MGAT5B: variants seen among roughly 807,000 people sequenced by gnomAD.
The protein encoded by MGAT5B is alpha-1,6-mannosylglycoprotein 6-beta-N-acetylglucosaminyltransferase B, also known as N-acetylglucosaminyl-transferase Vb.
MGAT5B carries 54 observed loss-of-function variants against 95.1 expected under a neutral mutation model. The observed-to-expected ratio is 0.57, with a 90% CI of 0.46 to 0.71. MGAT5B has a LOEUF of 0.71. Among genes scored for constraint, MGAT5B ranks in the 30% least tolerant of loss-of-function variants. MGAT5B has a pLI of 0.00. For synonymous variants in MGAT5B, 464 were observed against 451.0 expected (o/e 1.03, Z -0.36); for missense variants, 935 against 1,088.6 (o/e 0.86, Z 1.99).
At chr17:76,946,345 C>G in intron 15 of MGAT5B, 31 bp from the exon 16 acceptor site, 1 of 1,579,882 alleles carries the variant, frequency 6.3e-7, no homozygotes, top group Non-Finnish European at 8.6e-7. Flanking sequence ...GGCCTTCTCC[C>G]GCCCCATGTG....
At chr17:76,907,910 C>T (rs1237594414) in intron 8 of MGAT5B, among the ~76,000 whole-genome samples, 1 of 152,218 alleles carries the variant, frequency 6.6e-6, no homozygotes, top group East Asian at 1.9e-4. Context: ...CTTATTATGG[C>T]TGCAACTTGC....
rs2145215860 is a variant in MGAT5B, at chr17:76,915,401, G to A, written c.1025+9214G>A. 6.6e-6 allele frequency among the ~76,000 whole-genome samples: 1 copy of A among 152,212 alleles called. No individual in the cohort carries two copies. Among genetic ancestry groups the A allele is most frequent in the Middle Eastern group, 3.4e-3 (1 of 294 alleles). On this transcript the variant is annotated intron_variant, in intron 8 of 17. Transcript: ENST00000569840. This position sits in a 1 kb window ranked among gnomAD's most constrained non-coding sequence, Gnocchi z 8.7. ...GGTTTCTATTTTATCTTCGATGCCG[G>A]AGGGGAGAGCATTTCCCACAAGCCA...
rs1238731203 is a variant in MGAT5B, at chr17:76,906,719, G to A, written c.1025+532G>A. On this transcript the variant is annotated intron_variant, in intron 8 of 17. Transcript: ENST00000569840. The surrounding 1 kb of genome is among the most constrained non-coding windows in gnomAD (Gnocchi z 4.6). ...GCAGTGATTAGAGGCTCCCCTGAGT[G>A]TTTGAGGGTAGGATGGGGGTGAGGC... is the stretch of plus-strand genomic sequence containing the variant. Among the ~76,000 whole-genome samples the A allele has an allele frequency of 6.6e-6, 1 of 152,126 alleles. No individual in the cohort carries two copies. The highest frequency in any genetic ancestry group is 1.5e-5 in the Non-Finnish European group (1 of 68,006).
chr17:76,869,549 C>T lies in MGAT5B; in HGVS notation c.68+452C>T, dbSNP rs545247617. 4.6e-5 allele frequency among the ~76,000 whole-genome samples: 7 copies of T among 152,314 alleles called. No individual in the cohort carries two copies. The South Asian group carries it at 1.0e-3, about 23-fold the overall frequency. ...CCGTCTGCCCCTAGGTCGGCTACCC[C>T]CCAACCCCTCCGCCTGTGCCACCCT... On this transcript the variant is annotated intron_variant, in intron 1 of 17. Coordinates refer to ENST00000569840, the MANE Select transcript of MGAT5B (RefSeq NM_001199172.2). The surrounding 1 kb of genome is among the most constrained non-coding windows in gnomAD (Gnocchi z 7.0).
rs1426897270 is a variant in MGAT5B at position 76,912,309 on chromosome 17, C to T, written c.1025+6122C>T. On this transcript the variant is annotated intron_variant, in intron 8 of 17. Coordinates refer to ENST00000569840, the MANE Select transcript of MGAT5B (RefSeq NM_001199172.2). This position sits in a 1 kb window ranked among gnomAD's most constrained non-coding sequence, Gnocchi z 5.0. ...GGGCAGAGTTCCCAGCGAGCAACCG[C>T]GAGCCCTTCAGGGAGAGGCAGAAGC... is the stretch of plus-strand genomic sequence containing the variant. Among the ~76,000 whole-genome samples, 2 of 152,152 alleles carry T rather than the reference C, an allele frequency of 1.3e-5. No homozygotes were observed. The highest frequency in any genetic ancestry group is 2.9e-5 in the Non-Finnish European group (2 of 68,024).
chr17:76,874,564 G>A (rs1324159461), intron 2 of MGAT5B, among the ~76,000 whole-genome samples: 1 of 152,126 alleles, frequency 6.6e-6, no homozygotes, highest in African/African-American at 2.4e-5. Context: ...TGGGTGGGCT[G>A]CTACAGAGGC....
At chr17:76,900,314 T>C (rs535450843) in intron 3 of MGAT5B, among the ~76,000 whole-genome samples, 35 of 152,362 alleles carry the variant, frequency 2.3e-4, no homozygotes, top group African/African-American at 7.9e-4. Context: ...CAGAAGGCTG[T>C]CGTGCATTCA....
In MGAT5B at chr17:76,905,939, C is replaced by G; in HGVS notation, c.856-79C>G. The G allele has an allele frequency of 6.8e-7, 1 of 1,467,928 alleles. No homozygotes were observed. 90.9% of individuals were successfully genotyped at this position (1,467,928 alleles called of 1,614,324 possible). ...GAGACAGGGTCTGCTGCCGGCTGGT[C>G]TCCTGGCCGGTGCCCCGGGGGGGCG... On this transcript the variant is annotated intron_variant, in intron 7 of 17. Transcript: ENST00000569840. The surrounding 1 kb of genome is among the most constrained non-coding windows in gnomAD (Gnocchi z 4.2).
chr17:76,923,881 GTCC>G (rs1969205176), intron 8 of MGAT5B: 1 of 152,090 alleles, frequency 6.6e-6, no homozygotes, highest in Non-Finnish European at 1.5e-5. Flanking sequence ...GCTCCCGGGC[GTCC>G]TCCTCTGGTG....
rs1393068180 is a variant in MGAT5B at position 76,869,334 on chromosome 17, T to C, written c.68+237T>C. Among the ~76,000 whole-genome samples, 1 of 151,928 alleles carries C rather than the reference T, an allele frequency of 6.6e-6. No individual in the cohort carries two copies. The highest frequency in any genetic ancestry group is 1.5e-5 in the Non-Finnish European group (1 of 67,970). ...CGAGTTGGGCAGGGTTGGAGAGGAC[T>C]CGGGGTGCAGAGGTAAGAATGGGGG... On this transcript the variant is annotated intron_variant, in intron 1 of 17. Coordinates refer to ENST00000569840, the MANE Select transcript of MGAT5B (RefSeq NM_001199172.2). This position sits in a 1 kb window ranked among gnomAD's most constrained non-coding sequence, Gnocchi z 7.0.
At chr17:76,944,415 C>G (rs1414192790) in intron 15 of MGAT5B, among the ~76,000 whole-genome samples, 1 of 152,178 alleles carries the variant, frequency 6.6e-6, no homozygotes, top group Non-Finnish European at 1.5e-5. Flanking sequence ...TATTTATAAC[C>G]TGAGAGTGAA....
intron 16 of MGAT5B, 129 bp downstream of exon 16, chr17:76,946,579 G>C (rs1970036540): frequency 1.3e-6 from 1 of 766,336 alleles, no homozygotes; most frequent in African/African-American, 1.8e-5. Flanking sequence ...CCTCCAGCCT[G>C]TCCAGTCTCT....
chr17:76,873,159 T>C (rs1362993499), intron 2 of MGAT5B, among the ~76,000 whole-genome samples, 196 bp downstream of exon 2: 6 of 152,242 alleles, frequency 3.9e-5, no homozygotes. Context: ...TCAGGTTTCC[T>C]CTGGCCTGGA....
intron 3 of MGAT5B, among the ~76,000 whole-genome samples, chr17:76,900,579 C>T (rs1268341780): frequency 6.6e-6 from 1 of 152,206 alleles, no homozygotes; most frequent in Non-Finnish European, 1.5e-5. Flanking sequence ...ACACTGAGGG[C>T]TGCTGCTACC....
Position 76,925,963 on chromosome 17 carries a change from C to G in MGAT5B, c.1158-634C>G, listed in dbSNP as rs1385815710. ...GGTTGGCTTATCTATAGGGACAAGACCCCTCTGGGTTTTGAACTTGGGCCT... is the reference window on the plus strand; with the variant it reads ...GGTTGGCTTATCTATAGGGACAAGAGCCCTCTGGGTTTTGAACTTGGGCCT... On this transcript the variant is annotated intron_variant, in intron 9 of 17. Coordinates refer to ENST00000569840, the MANE Select transcript of MGAT5B (RefSeq NM_001199172.2). 6.6e-5 allele frequency among the ~76,000 whole-genome samples: 10 copies of G among 152,248 alleles called. No homozygotes were observed. In the East Asian group the frequency reaches 1.9e-3, roughly 29 times the overall value.
intron 6 of MGAT5B, 65 bp downstream of exon 6, chr17:76,904,487 G>C: frequency 6.7e-7 from 1 of 1,491,070 alleles, no homozygotes; most frequent in South Asian, 1.2e-5. Context: ...AAGGACAGTG[G>C]ACAGAAACCT....
chr17:76,940,507 C>G lies in MGAT5B; in HGVS notation c.1690C>G (p.Leu564Val). Residue 564 changes from leucine (L) to valine (V), a missense_variant, in exon 14 of 18, where the codon CTC becomes GTC. Leu to Val is a conservative substitution (Grantham distance 32, BLOSUM62 1). Coordinates refer to ENST00000569840, the MANE Select transcript of MGAT5B (RefSeq NM_001199172.2). This position sits in a 1 kb window ranked among gnomAD's most constrained non-coding sequence, Gnocchi z 4.3. ...CCGCTTCAGCCCGCCCCACAGCTCCCTCAACCACGAGTTCTTCCGAGGCAA... is the reference window on the plus strand; with the variant it reads ...CCGCTTCAGCCCGCCCCACAGCTCCGTCAACCACGAGTTCTTCCGAGGCAA... Reference protein sequence around the residue: ...QSRFSPPHSSLNHEFFRGKPT... With the variant: ...QSRFSPPHSSVNHEFFRGKPT... 1 of 1,613,838 alleles carries G rather than the reference C, an allele frequency of 6.2e-7. No individual in the cohort carries two copies.
rs1190770259 is a variant in MGAT5B at position 76,869,249 on chromosome 17, C to T, written c.68+152C>T. The T allele has an allele frequency of 1.1e-5, 5 of 472,884 alleles. No individual in the cohort carries two copies. The highest frequency in any genetic ancestry group is 5.7e-5 in the Admixed American group (2 of 35,016). The allele number at this position is 472,884 out of a possible 1,614,324, so 29.3% of individuals were successfully genotyped here. A position where few individuals can be genotyped will look rare whatever the true frequency, so the allele number is the denominator to read the frequency against. ...GACCAGTGGGGCTGGGCTGGGGGAA[C>T]GGATGGCGTTGGGGTTCGGGGTGCG... On this transcript the variant is annotated intron_variant, in intron 1 of 17. Coordinates refer to ENST00000569840, the MANE Select transcript of MGAT5B (RefSeq NM_001199172.2). The surrounding 1 kb of genome is among the most constrained non-coding windows in gnomAD (Gnocchi z 7.0).
At position 76,932,499 on chromosome 17, in the gene MGAT5B, AT is replaced by A; in HGVS notation, c.1292-144del. 2.5e-6 allele frequency: 3 copies of A among 1,180,108 alleles called. 1 individual carries two copies. The East Asian group carries it at 7.8e-5, about 31-fold the overall frequency. The allele number at this position is 1,180,108 out of a possible 1,614,324, so 73.1% of individuals were successfully genotyped here. A position where few individuals can be genotyped will look rare whatever the true frequency, so the allele number is the denominator to read the frequency against. On this transcript the variant is annotated intron_variant, in intron 10 of 17. Coordinates refer to ENST00000569840, the MANE Select transcript of MGAT5B (RefSeq NM_001199172.2). ...AAGGGGGTCACAGGCCGGGGCACTG[AT>A]TACACCCTCCCCACCGCACCCTGTG...
Sources: gnomAD v4.1 joint callset for allele counts (sites outside exome capture counted in the v4.1 genomes callset) on GRCh38, gnomAD v4.1.1 for gene constraint, Gnocchi (gnomAD v3.1) non-coding constraint, MANE v1.5 for transcripts, NCBI Gene and HGNC (gene_info 2026-07-23, HGNC 2026-07-21) for gene names.